Variants in TPR observed in about 807,000 individuals in gnomAD.
The protein encoded by TPR is translocated promoter region, nuclear basket protein.
A neutral mutation model predicts 316.1 loss-of-function variants in TPR; 51 were observed. That is an observed-to-expected ratio of 0.16 (90% CI 0.13 to 0.20). The LOEUF is 0.20. TPR is among the 10% of genes least tolerant of loss of function. TPR has a pLI of 1.00. For synonymous variants in TPR, 981 were observed against 914.7 expected, an observed-to-expected ratio of 1.07 and a Z score of -1.31; for missense variants, 2,272 against 2,754.8, an observed-to-expected ratio of 0.82 and a Z score of 3.92.
In TPR at chr1:186,344,485, C is replaced by A. The variant is rs777717069; in HGVS notation, c.3307G>T (p.Val1103Phe). The A allele has an allele frequency of 1.2e-5, 20 of 1,613,906 alleles. No homozygotes were observed. The highest frequency in any genetic ancestry group is 1.5e-5 in the Non-Finnish European group (18 of 1,179,948). Residue 1103 changes from valine to phenylalanine, a missense_variant, in exon 25 of 51, where the codon GTT becomes TTT. Val to Phe is a conservative substitution (Grantham distance 50, BLOSUM62 -1). Coordinates refer to ENST00000367478, the MANE Select transcript of TPR (RefSeq NM_003292.3). ...VEALQAAKEQ[V>F]SKMASVRQHL... ...TGACGGACTGATGCCATTTTTGAAA[C>A]CTGCTCCTTCGCAGCTTGTAGAGCT...
At position 186,331,578 on chromosome 1, in the gene TPR, CT is replaced by C; in HGVS notation, c.5607del (p.Glu1870LysfsTer12). The C allele has an allele frequency of 6.2e-7, 1 of 1,604,900 alleles. No individual in the cohort carries two copies. Among genetic ancestry groups the C allele is most frequent in the Non-Finnish European group, 8.5e-7 (1 of 1,174,854 alleles). ...LKSVTPVGTE[E>X]EVMAEESTDG... ...TCAGTACTTTCTTCTGCCATAACTT[CT>C]TCCTGTATCATAATACACTAATATA... On this transcript the variant is annotated frameshift_variant and splice_region_variant, in exon 39 of 51. Transcript: ENST00000367478. LOFTEE classifies it high-confidence loss of function.
chr1:186,327,314 A>T (rs571220755), intron 40 of TPR, 146 bp downstream of exon 40: 1 of 98,126 alleles, frequency 1.0e-5, no homozygotes, highest in Non-Finnish European at 1.9e-5. Flanking sequence ...ATAATATATT[A>T]AATATATAAT....
chr1:186,347,503 A>G (rs1479611519), intron 21 of TPR, 45 bp from the exon 22 acceptor site: 7 of 1,585,650 alleles, frequency 4.4e-6, no homozygotes, highest in Non-Finnish European at 6.0e-6. Flanking sequence ...TTTCAATAGT[A>G]TTAGAGATGA....
Position 186,374,864 on chromosome 1 carries a change from A to G in TPR, c.151+14T>C, listed in dbSNP as rs1226955889. 2.5e-6 allele frequency: 4 copies of G among 1,585,118 alleles called. No homozygotes were observed. The highest frequency in any genetic ancestry group is 1.1e-5 in the South Asian group (1 of 89,428). On this transcript the variant is annotated intron_variant, in intron 1 of 50. Transcript: ENST00000367478. ...CGAGCCCAAAACCAAGGACGGAAAG[A>G]GCATCTCACTTACCGCTCTCCACCT...
At chr1:186,362,497 CAATTAA>C (rs1659226207) in intron 6 of TPR, 117 bp from the exon 7 acceptor site, 3 of 750,070 alleles carry the variant, frequency 4.0e-6, no homozygotes, top group Admixed American at 6.0e-5. Flanking sequence ...CCTGAAAAAG[CAATTAA>C]AATATGCATA....
rs1362742351 is a variant in TPR at position 186,343,466 on chromosome 1, G to A, written c.3610C>T (p.Arg1204Ter). The change falls in exon 27 of 51, where the codon CGA becomes TGA. Residue 1204 changes from arginine to a stop codon, truncating the protein, a stop_gained. Transcript: ENST00000367478. LOFTEE classifies it high-confidence loss of function. The part of the protein sequence containing the change: ...EQILEILRFI[R>*]REKEIAETRF... Reference sequence around the variant, plus strand: ...GTTTCAGCAATTTCTTTTTCTCGTCGTATAAATCTACAAAAATACAGATAT... The same window carrying A: ...GTTTCAGCAATTTCTTTTTCTCGTCATATAAATCTACAAAAATACAGATAT... 6.2e-7 allele frequency: 1 copy of A among 1,610,168 alleles called. No individual in the cohort carries two copies.
Position 186,324,013 on chromosome 1 carries a change from GCAAATGTGGGTTTTACACCCAGAGA to G in TPR, c.6113-168_6113-144del, listed in dbSNP as rs1241200000. The G allele has an allele frequency of 3.3e-5, 27 of 815,334 alleles. No individual in the cohort carries two copies. The African/African-American group carries it at 4.6e-4, about 14-fold the overall frequency. The allele number at this position is 815,334 out of a possible 1,614,324, so 50.5% of individuals were successfully genotyped here. A position where few individuals can be genotyped will look rare whatever the true frequency, so the allele number is the denominator to read the frequency against. Reference sequence around the variant, plus strand: ...AGTAAAGTAGTGAGGTGTGATGGAAGCAAATGTGGGTTTTACACCCAGAGACAATGGGATGTGTACTTATTCGCTG... The same window carrying G: ...AGTAAAGTAGTGAGGTGTGATGGAAGCAATGGGATGTGTACTTATTCGCTG... On this transcript the variant is annotated intron_variant, in intron 42 of 50. Coordinates refer to ENST00000367478, the MANE Select transcript of TPR (RefSeq NM_003292.3).
Position 186,351,323 on chromosome 1 carries a change from G to GACTC in TPR, c.2610+3_2610+6dup, listed in dbSNP as rs1558021338. On this transcript the variant is annotated splice_region_variant and intron_variant, in intron 20 of 50. Transcript: ENST00000367478. ...CCTACAGAAATTCAGAACTCTGATG[G>GACTC]ACTCACATCTAGATTTCTAGTAAGT... 6.2e-7 allele frequency: 1 copy of GACTC among 1,601,012 alleles called. No individual in the cohort carries two copies. The highest frequency in any genetic ancestry group is 1.7e-5 in the Admixed American group (1 of 57,950).
Position 186,344,025 on chromosome 1 carries a change from A to C in TPR, c.3483T>G (p.Asp1161Glu), listed in dbSNP as rs374190520. The C allele has an allele frequency of 1.1e-5, 17 of 1,614,050 alleles. No individual in the cohort carries two copies. Among genetic ancestry groups the C allele is most frequent in the Non-Finnish European group, 1.4e-5 (17 of 1,180,036 alleles). ...DLEKQNRLLH[D>E]QIEKLSDKVV... ...CCTTGTCACTTAATTTTTCGATCTG[A>C]TCATGAAGTAATCTGTTTTGTTTCT... is the stretch of plus-strand genomic sequence containing the variant. Residue 1161 changes from aspartate (D) to glutamate (E), a missense_variant, in exon 26 of 51, where the codon GAT becomes GAG. Coordinates refer to ENST00000367478, the MANE Select transcript of TPR (RefSeq NM_003292.3).
intron 17 of TPR, chr1:186,354,091 G>C (rs1276746241): frequency 5.5e-6 from 2 of 366,358 alleles, no homozygotes; most frequent in Non-Finnish European, 9.7e-6. Context: ...ACCTCAAACA[G>C]CATGCTTATG....
At chr1:186,371,769 A>G (rs1376310595) in intron 2 of TPR, among the ~76,000 whole-genome samples, 1 of 152,224 alleles carries the variant, frequency 6.6e-6, no homozygotes, top group African/African-American at 2.4e-5. Flanking sequence ...AAGCAAAAAA[A>G]TCCCCATTAA....
At position 186,373,458 on chromosome 1, in the gene TPR, G is replaced by C; in HGVS notation, c.157C>G (p.Gln53Glu). 6.2e-7 allele frequency: 1 copy of C among 1,610,672 alleles called. No homozygotes were observed. The highest frequency in any genetic ancestry group is 1.1e-5 in the South Asian group (1 of 90,886). ...AACCTCTTTTCTATTTCAAAATACT[G>C]TTGTTCTACAGCAGACAAGCAAAAA... Reference protein sequence around the residue: ...HEKFKVESEQQYFEIEKRLSH... With the variant: ...HEKFKVESEQEYFEIEKRLSH... Residue 53 changes from glutamine (Q) to glutamate (E), a missense_variant, in exon 2 of 51, where the codon CAG becomes GAG. Physicochemically the swap from Gln to Glu is conservative, Grantham distance 29. Transcript: ENST00000367478.
chr1:186,327,270 A>T (rs866044701), intron 40 of TPR, among the ~76,000 whole-genome samples, 190 bp downstream of exon 40: 3 of 5,546 alleles, frequency 5.4e-4, no homozygotes, highest in Non-Finnish European at 1.0e-3. Flanking sequence ...TATAATATAT[A>T]TATTTATATA....
Position 186,339,637 on chromosome 1 carries a change from T to A in TPR, c.4151+5A>T. ...ATATATGATTTAAGGCTTCTTTCCA[T>A]ATACCTTGCAATTTCAGCTTTAAGT... is the stretch of plus-strand genomic sequence containing the variant. On this transcript the variant is annotated splice_donor_5th_base_variant and intron_variant, in intron 30 of 50. Transcript: ENST00000367478. The A allele has an allele frequency of 6.4e-7, 1 of 1,572,028 alleles. No individual in the cohort carries two copies. Among genetic ancestry groups the A allele is most frequent in the South Asian group, 1.2e-5 (1 of 82,930 alleles).
intron 4 of TPR, 71 bp from the exon 5 acceptor site, chr1:186,363,516 T>C (rs1659253443): frequency 9.6e-7 from 1 of 1,041,622 alleles, no homozygotes; most frequent in East Asian, 2.6e-5. Flanking sequence ...CAAAAATATA[T>C]TTCTAGGAAT....
chr1:186,353,228 C>T (rs919657845), intron 18 of TPR, among the ~76,000 whole-genome samples: 1 of 152,002 alleles, frequency 6.6e-6, no homozygotes, highest in Non-Finnish European at 1.5e-5. Flanking sequence ...AAACATTAGC[C>T]AGGTGTGGTG....
chr1:186,336,787 C>T lies in TPR; in HGVS notation c.4507-93G>A, dbSNP rs898669435. On this transcript the variant is annotated intron_variant, in intron 32 of 50. Coordinates refer to ENST00000367478, the MANE Select transcript of TPR (RefSeq NM_003292.3). ...ACTTAAAGTATAACTTATTAATTTG[C>T]TTTTTAAAAGATTAAATGGAAGTAT... 18 of 1,402,380 alleles carry T rather than the reference C, an allele frequency of 1.3e-5. 1 individual carries two copies. The highest frequency in any genetic ancestry group is 2.4e-5 in the Admixed American group (1 of 42,102). 86.9% of individuals were successfully genotyped at this position (1,402,380 alleles called of 1,614,324 possible). A position where few individuals can be genotyped will look rare whatever the true frequency, so the allele number is the denominator to read the frequency against.
Position 186,350,236 on chromosome 1 carries a change from C to G in TPR, c.2763G>C (p.Gln921His). Residue 921 changes from glutamine to histidine, a missense_variant, in exon 21 of 51, where the codon CAG becomes CAC. Physicochemically the swap from Gln to His is conservative, Grantham distance 24 (BLOSUM62 0). This residue lies in a region of TPR where 757 missense variants were observed against 859.8 expected (regional missense o/e 0.88). Coordinates refer to ENST00000367478, the MANE Select transcript of TPR (RefSeq NM_003292.3). ...TATTTTATTTACCTTTACCAGTTCT[C>G]TGTGAAGACTGAGAAGCAACTTGGA... ...MEVQVASQSS[Q>H]RTGKGQPSNK... is the part of the protein sequence containing the mutation. The G allele has an allele frequency of 6.2e-7, 1 of 1,608,968 alleles. No homozygotes were observed. The highest frequency in any genetic ancestry group is 8.5e-7 in the Non-Finnish European group (1 of 1,178,598).
intron 40 of TPR, among the ~76,000 whole-genome samples, chr1:186,326,829 T>C (rs1657948374): frequency 6.8e-6 from 1 of 147,690 alleles, no homozygotes; most frequent in Non-Finnish European, 1.5e-5. Context: ...TAGGTCTAAT[T>C]GATAACAAAT....
Sources: allele counts gnomAD v4.1 joint callset (sites outside exome capture counted in the v4.1 genomes callset), GRCh38; gene constraint gnomAD v4.1.1; regional missense constraint gnomAD v4.1.1; transcripts MANE v1.5; gene names NCBI Gene and HGNC (gene_info 2026-07-23, HGNC 2026-07-21).